Variants in DOCK2 observed in about 807,000 individuals in gnomAD.
DOCK2 encodes dedicator of cytokinesis protein 2.
DOCK2 carries 87 observed loss-of-function variants against 248.9 expected under a neutral mutation model. That is an observed-to-expected ratio of 0.35 (90% CI 0.29 to 0.42). The LOEUF (loss-of-function observed/expected upper bound fraction) is 0.42. DOCK2 is among the 10% of genes least tolerant of loss of function. The pLI, the probability that DOCK2 is intolerant of heterozygous loss-of-function variation, is 1.00. For synonymous variants in DOCK2, 805 were observed against 821.6 expected (o/e 0.98, Z 0.35); for missense variants, 1,747 against 2,300.2 (o/e 0.76, Z 4.92).
chr5:170,043,239 A>G (rs939843248), intron 38 of DOCK2, among the ~76,000 whole-genome samples: 1 of 152,258 alleles, frequency 6.6e-6, no homozygotes, highest in Non-Finnish European at 1.5e-5. Flanking sequence ...CCCTTGACCT[A>G]AGAGACTCCA....
At chr5:169,661,320 A>G (rs1758434908) in intron 2 of DOCK2, among the ~76,000 whole-genome samples, 1 of 152,214 alleles carries the variant, frequency 6.6e-6, no homozygotes, top group Admixed American at 6.5e-5. Flanking sequence ...AATTTTTTTA[A>G]TTGTATATGT....
rs769594059 is a variant in DOCK2, at chr5:169,686,314, G to A, written c.761+1964G>A. Reference sequence around the variant, plus strand: ...AGTGTGGTCGGCTGGCCCCATCTCAGTGATGGATGGCTGGACCAGCTCTGT... The same window carrying A: ...AGTGTGGTCGGCTGGCCCCATCTCAATGATGGATGGCTGGACCAGCTCTGT... On this transcript the variant is annotated intron_variant, in intron 8 of 51. Transcript: ENST00000520908. 2.5e-4 allele frequency among the ~76,000 whole-genome samples: 38 copies of A among 152,226 alleles called. 1 individual carries two copies. The highest frequency in any genetic ancestry group is 1.2e-3 in the Admixed American group (18 of 15,288).
chr5:169,789,055 A>T (rs1766164249), intron 25 of DOCK2, among the ~76,000 whole-genome samples: 1 of 152,150 alleles, frequency 6.6e-6, no homozygotes. Context: ...ATGTGTTCTC[A>T]TCATTTAGCT....
At chr5:169,665,311 T>C (rs1758656073) in intron 2 of DOCK2, among the ~76,000 whole-genome samples, 1 of 142,930 alleles carries the variant, frequency 7.0e-6, no homozygotes. Flanking sequence ...TATATATGTT[T>C]ATATATAAGT....
chr5:169,698,551 C>A, intron 11 of DOCK2, 102 bp downstream of exon 11: 1 of 1,283,324 alleles, frequency 7.8e-7, no homozygotes. Context: ...TAGTGATAGG[C>A]AGGTGGAGCC....
chr5:169,906,831 G>A (rs1774307689), intron 27 of DOCK2, among the ~76,000 whole-genome samples: 1 of 152,156 alleles, frequency 6.6e-6, no homozygotes, highest in Admixed American at 6.5e-5. Context: ...GGGAAATTAG[G>A]GCCTGAAGTA....
In DOCK2 at chr5:169,741,987, AT is replaced by A. The variant is rs918991260; in HGVS notation, c.2268-5401del. On this transcript the variant is annotated intron_variant, in intron 22 of 51. Transcript: ENST00000520908. ...ACCCTGCCCAGCTAATTTTTTAAAT[AT>A]TTTTTTTATAGTAGAGATGGAGTTT... Among the ~76,000 whole-genome samples, 388 of 151,232 alleles carry A rather than the reference AT, an allele frequency of 2.6e-3. 2 individuals are homozygous for A. The highest frequency in any genetic ancestry group is 9.1e-3 in the African/African-American group (376 of 41,230).
intron 27 of DOCK2, chr5:169,883,898 T>C: frequency 6.7e-7 from 1 of 1,497,434 alleles, no homozygotes; most frequent in South Asian, 1.3e-5. Context: ...TGCTGGGCCA[T>C]TGAGCCTCAG....
chr5:169,865,964 T>C (rs964375256), intron 27 of DOCK2, among the ~76,000 whole-genome samples: 3 of 152,194 alleles, frequency 2.0e-5, no homozygotes, highest in African/African-American at 7.2e-5. Flanking sequence ...GCATGACGAA[T>C]GGAGCCCCAA....
intron 27 of DOCK2, among the ~76,000 whole-genome samples, chr5:169,939,097 G>A (rs925019784): frequency 2.0e-5 from 3 of 151,506 alleles, no homozygotes; most frequent in African/African-American, 7.3e-5. Context: ...GTAGAGACGG[G>A]GTTTCACCGC....
intron 23 of DOCK2, among the ~76,000 whole-genome samples, chr5:169,753,397 C>G (rs57479626): frequency 0.023 from 3,553 of 151,592 alleles, 134 homozygotes; most frequent in African/African-American, 0.08. Flanking sequence ...GTGTTGTTCC[C>G]CACCCTGTGT....
intron 27 of DOCK2, among the ~76,000 whole-genome samples, chr5:169,878,252 T>C (rs1383616363): frequency 1.3e-5 from 2 of 152,184 alleles, no homozygotes; most frequent in Non-Finnish European, 2.9e-5. Flanking sequence ...TTTCCCAAAC[T>C]TCAATCACTC....
At chr5:169,674,987 C>T (rs1447789410) in intron 6 of DOCK2, among the ~76,000 whole-genome samples, 1 of 152,236 alleles carries the variant, frequency 6.6e-6, no homozygotes, top group Non-Finnish European at 1.5e-5. Flanking sequence ...CTGATAATAA[C>T]ATTATAAGTA....
At chr5:169,950,298 C>G (rs1776605881) in intron 27 of DOCK2, among the ~76,000 whole-genome samples, 1 of 152,204 alleles carries the variant, frequency 6.6e-6, no homozygotes, top group Non-Finnish European at 1.5e-5. Context: ...ACAAGCAGAC[C>G]TTCCTCATAG....
chr5:170,078,219 A>T (rs1057001393), intron 48 of DOCK2, among the ~76,000 whole-genome samples: 1 of 152,040 alleles, frequency 6.6e-6, no homozygotes, highest in Admixed American at 6.5e-5. Context: ...CCACGATGGG[A>T]TGTCTCCATT....
intron 25 of DOCK2, among the ~76,000 whole-genome samples, chr5:169,765,103 C>CACACA (rs55959467): frequency 1.4e-4 from 21 of 148,040 alleles, no homozygotes; most frequent in African/African-American, 5.3e-4. Context: ...CACACACACA[C>CACACA]CCCACACACA....
At chr5:169,936,822 C>T (rs1192715297) in intron 27 of DOCK2, among the ~76,000 whole-genome samples, 1 of 152,106 alleles carries the variant, frequency 6.6e-6, no homozygotes, top group Non-Finnish European at 1.5e-5. Context: ...GCTAAATTGA[C>T]AAAACTCAAT....
chr5:169,769,424 G>C (rs962681029), intron 25 of DOCK2, among the ~76,000 whole-genome samples: 16 of 152,150 alleles, frequency 1.1e-4, no homozygotes, highest in African/African-American at 3.6e-4. Flanking sequence ...CCTTTCTGAG[G>C]AGTCTGTCCT....
At chr5:169,761,361 A>G (rs1434506712) in intron 24 of DOCK2, 158 bp from the exon 25 acceptor site, 1 of 641,528 alleles carries the variant, frequency 1.6e-6, no homozygotes, top group Non-Finnish European at 2.8e-6. Context: ...ACCAAGAACA[A>G]CTTGTACATT....
Sources: gnomAD v4.1 joint callset for allele counts (sites outside exome capture counted in the v4.1 genomes callset) on GRCh38, gnomAD v4.1.1 for gene constraint, MANE v1.5 for transcripts, NCBI Gene and HGNC (gene_info 2026-07-23, HGNC 2026-07-21) for gene names.